MAD1L1: variants seen among roughly 807,000 people sequenced by gnomAD.
MAD1L1 encodes the protein mitotic spindle assembly checkpoint protein MAD1.
MAD1L1 carries 95 observed loss-of-function variants against 96.9 expected under a neutral mutation model. The ratio of observed to expected loss-of-function variants is 0.98; its 90% CI spans 0.83 to 1.16. The LOEUF (loss-of-function observed/expected upper bound fraction) is 1.16. Ranked by LOEUF, MAD1L1 falls within the 50% of genes most tolerant of loss-of-function variation. The probability of loss-of-function intolerance (pLI) is 0.00; values close to 1 mark genes in which losing one functional copy is unlikely to be tolerated. For missense variants in MAD1L1, 1,007 were observed against 954.4 expected (o/e 1.06, Z -0.73); for synonymous variants, 473 against 396.6 (o/e 1.19, Z -2.29).
intron 18 of MAD1L1, among the ~76,000 whole-genome samples, chr7:1,867,049 C>A (rs1562471837): frequency 6.6e-6 from 1 of 152,214 alleles, no homozygotes; most frequent in Admixed American, 6.5e-5. Context: ...CACAGCAGCA[C>A]CTGCTGGCCC....
intron 14 of MAD1L1, among the ~76,000 whole-genome samples, chr7:1,990,387 G>C (rs1169144860): frequency 6.6e-6 from 1 of 152,220 alleles, no homozygotes; most frequent in Admixed American, 6.5e-5. Flanking sequence ...TGGAGTGGCT[G>C]TGGCTTCCTA....
At chr7:2,139,948 A>G (rs957882593) in intron 11 of MAD1L1, among the ~76,000 whole-genome samples, 5 of 151,116 alleles carry the variant, frequency 3.3e-5, no homozygotes, top group African/African-American at 1.2e-4. Flanking sequence ...TTCCCCCCAC[A>G]GGCCTCAGTT....
At chr7:2,042,878 C>T (rs1406285878) in intron 12 of MAD1L1, among the ~76,000 whole-genome samples, 1 of 119,972 alleles carries the variant, frequency 8.3e-6, no homozygotes, top group Non-Finnish European at 1.7e-5. Context: ...TTCACGCACA[C>T]ACATGTCCAC....
At chr7:1,834,754 C>T (rs1380054345) in intron 18 of MAD1L1, among the ~76,000 whole-genome samples, 1 of 152,008 alleles carries the variant, frequency 6.6e-6, no homozygotes, top group Non-Finnish European at 1.5e-5. Context: ...ATCAAGAATT[C>T]TACATGAACT....
intron 17 of MAD1L1, among the ~76,000 whole-genome samples, chr7:1,919,766 C>T (rs1583788016): frequency 6.6e-6 from 1 of 152,262 alleles, no homozygotes; most frequent in South Asian, 2.1e-4. Context: ...GAGCTGGGAC[C>T]ATGGCCCAAG....
chr7:1,911,935 C>T (rs1788042258), intron 17 of MAD1L1, among the ~76,000 whole-genome samples: 1 of 152,264 alleles, frequency 6.6e-6, no homozygotes, highest in Non-Finnish European at 1.5e-5. Flanking sequence ...AGGGGCTGGG[C>T]CTCACCTGTC....
chr7:2,139,074 G>C (rs1788895406), intron 11 of MAD1L1, among the ~76,000 whole-genome samples: 1 of 152,068 alleles, frequency 6.6e-6, no homozygotes, highest in South Asian at 2.1e-4. Flanking sequence ...ACCGAGGCCA[G>C]AGGCGAGGAG....
At chr7:1,834,486 G>T (rs1474587217) in intron 18 of MAD1L1, among the ~76,000 whole-genome samples, 1 of 152,162 alleles carries the variant, frequency 6.6e-6, no homozygotes, top group African/African-American at 2.4e-5. Context: ...GATAGTAAGA[G>T]AAATTATGAA....
chr7:1,928,761 G>A (rs565078223), intron 17 of MAD1L1, among the ~76,000 whole-genome samples: 4 of 152,326 alleles, frequency 2.6e-5, no homozygotes, highest in Admixed American at 1.3e-4. Flanking sequence ...GGGGCATGAC[G>A]TAAACACAGG....
At chr7:2,145,624 G>C (rs1789258664) in intron 11 of MAD1L1, among the ~76,000 whole-genome samples, 1 of 152,222 alleles carries the variant, frequency 6.6e-6, no homozygotes, top group African/African-American at 2.4e-5. Context: ...CCTCAAACAA[G>C]GGAGGTGATG....
intron 11 of MAD1L1, among the ~76,000 whole-genome samples, chr7:2,102,855 C>T (rs997023714): frequency 3.9e-5 from 6 of 152,194 alleles, no homozygotes; most frequent in African/African-American, 9.7e-5. Context: ...CAGCATGAGA[C>T]GCATCCTTGT....
At chr7:1,951,328 C>T (rs573384653) in intron 16 of MAD1L1, among the ~76,000 whole-genome samples, 28 of 152,348 alleles carry the variant, frequency 1.8e-4, no homozygotes, top group South Asian at 1.5e-3. Flanking sequence ...GGACAGAGGC[C>T]GTGTGAGGGC....
chr7:2,004,980 C>T (rs1781966670), intron 13 of MAD1L1, among the ~76,000 whole-genome samples: 2 of 152,212 alleles, frequency 1.3e-5, no homozygotes, highest in African/African-American at 4.8e-5. Flanking sequence ...AGCCAAGGAG[C>T]CCTGAACTCA....
intron 11 of MAD1L1, among the ~76,000 whole-genome samples, chr7:2,095,028 T>A (rs748500650): frequency 6.6e-6 from 1 of 151,222 alleles, no homozygotes; most frequent in Non-Finnish European, 1.5e-5. Context: ...AAATAGTAAA[T>A]ATATATATAT....
chr7:2,072,510 T>C (rs950125590), intron 11 of MAD1L1, among the ~76,000 whole-genome samples: 2 of 152,238 alleles, frequency 1.3e-5, no homozygotes, highest in Non-Finnish European at 2.9e-5. Context: ...ATGAGGCTAC[T>C]TTGGGACCCA....
chr7:2,088,129 G>A lies in MAD1L1; in HGVS notation c.1074-18791C>T, dbSNP rs78853019. On this transcript the variant is annotated intron_variant, in intron 11 of 18. Transcript: ENST00000265854. The surrounding 1 kb of genome is among the most constrained non-coding windows in gnomAD (Gnocchi z 4.4). ...GTCTACACACAAAGCACCCGCACAG[G>A]CTGAGTGGAAATATGGGGGCCCACG... is the stretch of plus-strand genomic sequence containing the variant. 2.3e-3 allele frequency among the ~76,000 whole-genome samples: 353 copies of A among 152,278 alleles called. 2 individuals carry two copies. Among genetic ancestry groups the A allele is most frequent in the African/African-American group, 7.5e-3 (313 of 41,538 alleles).
rs1209345541 is a variant in MAD1L1, at chr7:2,225,516, GA to G, written c.184del (p.Ser62ProfsTer15). The G allele has an allele frequency of 6.2e-7, 1 of 1,613,850 alleles. No homozygotes were observed. The highest frequency in any genetic ancestry group is 1.3e-5 in the African/African-American group (1 of 74,920). On this transcript the variant is annotated frameshift_variant, in exon 4 of 19. Transcript: ENST00000265854. LOFTEE classifies it high-confidence loss of function. ...EERAEQIRSK[S>X]HLIQVEREKM... ...CTCCCGCTCCACCTGGATGAGGTGG[GA>G]CTTCGAACGGATCTGCTCTGCTCTT...
chr7:1,920,011 AGGTCCCCAGTGACACGG>A (rs1788676491), intron 17 of MAD1L1, among the ~76,000 whole-genome samples: 1 of 5,478 alleles, frequency 1.8e-4, no homozygotes, highest in South Asian at 2.7e-3. Flanking sequence ...AGTGACACGG[AGGTCCCCAGTGACACGG>A]AGGTCCCCAG....
intron 12 of MAD1L1, among the ~76,000 whole-genome samples, chr7:2,025,607 C>A (rs918146112): frequency 3.3e-5 from 5 of 152,086 alleles, no homozygotes; most frequent in Admixed American, 1.3e-4. Flanking sequence ...ATACAGGTTG[C>A]AACACAGGGG....
Sources: allele counts gnomAD v4.1 joint callset (sites outside exome capture counted in the v4.1 genomes callset), GRCh38; gene constraint gnomAD v4.1.1; non-coding constraint Gnocchi (gnomAD v3.1); transcripts MANE v1.5; gene names NCBI Gene and HGNC (gene_info 2026-07-23, HGNC 2026-07-21).